The following ZNF251 variants were observed in gnomAD, a reference collection of about 807,000 sequenced individuals.
ZNF251 encodes zinc finger protein 251.
A neutral mutation model predicts 13.5 loss-of-function variants in ZNF251; 14 were observed. That is an observed-to-expected ratio of 1.04 (90% CI 0.69 to 1.63). The LOEUF (loss-of-function observed/expected upper bound fraction) is 1.63, where lower values mean the gene tolerates loss of function less well. Ranked by LOEUF, ZNF251 falls within the 40% of genes most tolerant of loss-of-function variation. The pLI, the probability that ZNF251 is intolerant of heterozygous loss-of-function variation, is 0.00. For synonymous variants in ZNF251, 287 were observed against 295.2 expected, an observed-to-expected ratio of 0.97 and a Z score of 0.28; for missense variants, 764 against 834.9, an observed-to-expected ratio of 0.92 and a Z score of 1.05.
intron 4 of ZNF251, among the ~76,000 whole-genome samples, chr8:144,744,108 G>C (rs1824302210): frequency 1.3e-5 from 2 of 150,586 alleles, no homozygotes; most frequent in African/African-American, 4.9e-5. Context: ...CTGCCTCCCG[G>C]GTTCAGGCGA....
rs1172766195 is a variant in ZNF251, at chr8:144,754,878, T to C, written c.-75-75A>G. On this transcript the variant is annotated intron_variant, in intron 1 of 4. Coordinates refer to ENST00000292562, the MANE Select transcript of ZNF251 (RefSeq NM_138367.2). ...AGGATGGCCAGGAGGCAGAAGCTGA[T>C]TGCTGCTGTGGCCTCCTGGGTCGCG... is the stretch of plus-strand genomic sequence containing the variant. 4 of 1,465,756 alleles carry C rather than the reference T, an allele frequency of 2.7e-6. No individual in the cohort carries two copies. In the South Asian group the frequency reaches 4.3e-5, roughly 16 times the overall value. The allele number at this position is 1,465,756 out of a possible 1,614,324, so 90.8% of individuals were successfully genotyped here.
intron 4 of ZNF251, among the ~76,000 whole-genome samples, chr8:144,745,809 A>G (rs750513820): frequency 2.6e-5 from 4 of 152,096 alleles, no homozygotes; most frequent in Non-Finnish European, 5.9e-5. Context: ...TTAGCCTCCC[A>G]AAGTGCTGGA....
At chr8:144,754,648 G>A (rs1263877413) in intron 2 of ZNF251, 48 bp downstream of exon 2, 2 of 1,578,532 alleles carry the variant, frequency 1.3e-6, no homozygotes, top group Non-Finnish European at 1.7e-6. Context: ...CTTCTGACTG[G>A]GATGGGGATG....
chr8:144,742,956 T>G (rs957112367), intron 4 of ZNF251, among the ~76,000 whole-genome samples: 1 of 152,248 alleles, frequency 6.6e-6, no homozygotes, highest in Admixed American at 6.5e-5. Flanking sequence ...TTCAAACCCA[T>G]GTTGTTCAAA....
At chr8:144,754,533 C>T (rs1234823183) in intron 2 of ZNF251, 163 bp downstream of exon 2, 7 of 1,449,274 alleles carry the variant, frequency 4.8e-6, no homozygotes, top group South Asian at 1.5e-5. Flanking sequence ...AGCCCCTCTC[C>T]CTGCAGGAGG....
At chr8:144,745,969 T>C (rs1824409835) in intron 4 of ZNF251, among the ~76,000 whole-genome samples, 1 of 152,224 alleles carries the variant, frequency 6.6e-6, no homozygotes, top group African/African-American at 2.4e-5. Context: ...TTCTTTGATA[T>C]ATTTTTATCA....
At position 144,734,999 on chromosome 8, in the gene ZNF251, G is replaced by C. The variant is rs189828830; in HGVS notation, c.278-11617C>G. Among the ~76,000 whole-genome samples the C allele has an allele frequency of 6.6e-6, 1 of 151,690 alleles. No homozygotes were observed. The highest frequency in any genetic ancestry group is 2.4e-5 in the African/African-American group (1 of 41,352). Reference sequence around the variant, plus strand: ...TGAGGCAGGAGAATCACTTGAACCAGGGAGGCAGAGGTTGCAGTGAGCCAA... The same window carrying C: ...TGAGGCAGGAGAATCACTTGAACCACGGAGGCAGAGGTTGCAGTGAGCCAA... On this transcript the variant is annotated intron_variant, in intron 4 of 4. Coordinates refer to ENST00000292562, the MANE Select transcript of ZNF251 (RefSeq NM_138367.2). The surrounding 1 kb of genome is among the most constrained non-coding windows in gnomAD (Gnocchi z 4.4).
chr8:144,730,643 T>G (rs555705161), intron 4 of ZNF251, among the ~76,000 whole-genome samples: 1 of 152,090 alleles, frequency 6.6e-6, no homozygotes, highest in Admixed American at 6.5e-5. Flanking sequence ...CAAACACGAC[T>G]GAAACTCAGC....
Position 144,722,831 on chromosome 8 carries a change from T to G in ZNF251, c.829A>C (p.Asn277His), listed in dbSNP as rs1395096974. 3.7e-6 allele frequency: 6 copies of G among 1,613,888 alleles called. No homozygotes were observed. The African/African-American group carries it at 8.0e-5, about 22-fold the overall frequency. The change falls in exon 5 of 5, where the codon AAT becomes CAT. Residue 277 changes from asparagine to histidine, a missense_variant. Asn to His is a moderately conservative substitution (Grantham distance 68). Transcript: ENST00000292562. The surrounding 1 kb of genome is among the most constrained non-coding windows in gnomAD (Gnocchi z 4.8). ...CTCCGATGAAGACGGAGGTGAGAAT[T>G]GAGTCCAAAAGTTTTCCCACATTCA... is the stretch of plus-strand genomic sequence containing the variant. The part of the protein sequence containing the change: ...CDECGKTFGL[N>H]SHLRLHRRIH...
rs1306642286 is a variant in ZNF251 at position 144,721,159 on chromosome 8, C to T, written c.*485G>A. The T allele has an allele frequency of 5.8e-6, 1 of 171,428 alleles. No homozygotes were observed. The highest frequency in any genetic ancestry group is 2.4e-5 in the African/African-American group (1 of 42,324). 10.6% of individuals were successfully genotyped at this position (171,428 alleles called of 1,614,324 possible). ...CAAGCAAGGAAGAAACGTCTACCTG[C>T]AGTTCATCTGGGGGTTGGTGGGAGA... is the stretch of plus-strand genomic sequence containing the variant. On this transcript the variant is annotated 3_prime_UTR_variant, in exon 5 of 5. Coordinates refer to ENST00000292562, the MANE Select transcript of ZNF251 (RefSeq NM_138367.2).
rs924342483 is a variant in ZNF251, at chr8:144,748,286, C to A, written c.277+5397G>T. On this transcript the variant is annotated intron_variant, in intron 4 of 4. Transcript: ENST00000292562. The stretch of plus-strand genomic sequence containing the variant: ...ATGGGGTTTCATCATGTTGGCCAGG[C>A]TAGTCTTGAACTCCTGACCTCAAGT... Among the ~76,000 whole-genome samples, 6 of 151,942 alleles carry A rather than the reference C, an allele frequency of 3.9e-5. No homozygotes were observed. The South Asian group carries it at 1.0e-3, about 26-fold the overall frequency.
chr8:144,755,440 G>A lies in ZNF251; in HGVS notation c.-111C>T, dbSNP rs951918881. 6.2e-6 allele frequency: 8 copies of A among 1,288,004 alleles called. No homozygotes were observed. The African/African-American group carries it at 9.1e-5, about 15-fold the overall frequency. 79.8% of individuals were successfully genotyped at this position (1,288,004 alleles called of 1,614,324 possible). Reference sequence around the variant, plus strand: ...GACCCGGGGAAGCCACCGAGGAAGCGCCGAGGAGCTGCGCAGTCGCACCGA... The same window carrying A: ...GACCCGGGGAAGCCACCGAGGAAGCACCGAGGAGCTGCGCAGTCGCACCGA... On this transcript the variant is annotated 5_prime_UTR_variant, in exon 1 of 5. Transcript: ENST00000292562.
In ZNF251 at chr8:144,721,865, A is replaced by G. The variant is rs919983265; in HGVS notation, c.1795T>C (p.Cys599Arg). Residue 599 changes from cysteine (C) to arginine (R), a missense_variant, in exon 5 of 5, where the codon TGT becomes CGT. Physicochemically the swap from Cys to Arg is radical, Grantham distance 180 (BLOSUM62 -3). Transcript: ENST00000292562. ...AGEKPYKCQE[C>R]GNAFSGKSTL... Reference sequence around the variant, plus strand: ...GACTTTCCACTGAAGGCGTTTCCACATTCTTGACATTTATAGGGCTTTTCC... The same window carrying G: ...GACTTTCCACTGAAGGCGTTTCCACGTTCTTGACATTTATAGGGCTTTTCC... 3.3e-6 allele frequency: 5 copies of G among 1,500,050 alleles called. No homozygotes were observed. The African/African-American group carries it at 7.0e-5, about 21-fold the overall frequency. The allele number at this position is 1,500,050 out of a possible 1,614,324, so 92.9% of individuals were successfully genotyped here. A position where few individuals can be genotyped will look rare whatever the true frequency, so the allele number is the denominator to read the frequency against.
chr8:144,732,550 C>A lies in ZNF251; in HGVS notation c.278-9168G>T, dbSNP rs113630087. 9.1e-3 allele frequency among the ~76,000 whole-genome samples: 1,393 copies of A among 152,272 alleles called. 18 individuals are homozygous for A. Among genetic ancestry groups the A allele is most frequent in the African/African-American group, 0.032 (1,319 of 41,562 alleles). ...GAGCCAAGCCGGGCGCGGTGGCTCA[C>A]GCCTGTAATCCCAGCACTTGGGGAG... On this transcript the variant is annotated intron_variant, in intron 4 of 4. Coordinates refer to ENST00000292562, the MANE Select transcript of ZNF251 (RefSeq NM_138367.2).
chr8:144,723,286 C>T lies in ZNF251; in HGVS notation c.374G>A (p.Arg125Lys), dbSNP rs758040050. ...TPEFVSRRLL[R>K]DNAQAAEFRE... is the part of the protein sequence containing the mutation. ...AAACTCAGCGGCCTGTGCATTATCC[C>T]TTAAGAGTCTTCTTGATACAAATTC... Residue 125 changes from arginine (R) to lysine (K), a missense_variant, in exon 5 of 5, where the codon AGG becomes AAG. Transcript: ENST00000292562. The T allele has an allele frequency of 5.7e-6, 9 of 1,586,720 alleles. No homozygotes were observed. In the African/African-American group the frequency reaches 9.5e-5, roughly 17 times the overall value.
chr8:144,732,213 G>T (rs556759022), intron 4 of ZNF251, among the ~76,000 whole-genome samples: 171 of 152,292 alleles, frequency 1.1e-3, no homozygotes, highest in Non-Finnish European at 1.1e-3. Context: ...AAAGTGTTGG[G>T]ATTACAGGTG....
intron 4 of ZNF251, chr8:144,730,159 G>A (rs920779149): frequency 1.0e-6 from 1 of 966,508 alleles, no homozygotes; most frequent in Non-Finnish European, 1.2e-6. Context: ...GAAGTGGAGA[G>A]CCATGTTTTA....
Position 144,723,387 on chromosome 8 carries a change from T to TA in ZNF251, c.278-6dup. 1 of 1,450,488 alleles carries TA rather than the reference T, an allele frequency of 6.9e-7. No homozygotes were observed. The highest frequency in any genetic ancestry group is 1.4e-5 in the African/African-American group (1 of 70,806). 89.9% of individuals were successfully genotyped at this position (1,450,488 alleles called of 1,614,324 possible). ...TCTTGGTCCCAACCTCAGAATCTGT[T>TA]AAAGAAAAATATAAATGAGTTACTA... On this transcript the variant is annotated splice_region_variant and splice_polypyrimidine_tract_variant and intron_variant, in intron 4 of 4. Transcript: ENST00000292562.
chr8:144,742,644 GTCACCGCCCTAAAAATCCTCTGGCT>G (rs1824218550), intron 4 of ZNF251, among the ~76,000 whole-genome samples: 1 of 152,112 alleles, frequency 6.6e-6, no homozygotes, highest in Non-Finnish European at 1.5e-5. Flanking sequence ...ACAGACTAGT[GTCACCGCCCTAAAAATCCTCTGGCT>G]TCACCCTGCT....
Sources: allele counts gnomAD v4.1 joint callset (sites outside exome capture counted in the v4.1 genomes callset), GRCh38; gene constraint gnomAD v4.1.1; non-coding constraint Gnocchi (gnomAD v3.1); transcripts MANE v1.5; gene names NCBI Gene and HGNC (gene_info 2026-07-23, HGNC 2026-07-21).